Variants in PCDHGB3 observed in about 807,000 individuals in gnomAD.
PCDHGB3 encodes the protein protocadherin gamma-B3.
In PCDHGB3, 40 loss-of-function variants were observed where a neutral mutation model predicts 59.2. That is an observed-to-expected ratio of 0.68 (90% CI 0.52 to 0.88). The LOEUF (loss-of-function observed/expected upper bound fraction) is 0.88, where lower values mean the gene tolerates loss of function less well. PCDHGB3 is among the 40% of genes least tolerant of loss of function. The probability of loss-of-function intolerance (pLI) is 0.00; values close to 1 mark genes in which losing one functional copy is unlikely to be tolerated. For synonymous variants in PCDHGB3, 581 were observed against 503.6 expected, an observed-to-expected ratio of 1.15 and a Z score of -2.06; for missense variants, 1,309 against 1,187.9, an observed-to-expected ratio of 1.10 and a Z score of -1.50.
chr5:141,439,441 T>C (rs2098112892), intron 1 of PCDHGB3, among the ~76,000 whole-genome samples: 2 of 152,348 alleles, frequency 1.3e-5, no homozygotes, highest in South Asian at 4.1e-4. Context: ...GAATATTTTA[T>C]TGCGGGAGCA....
chr5:141,414,903 C>A, intron 1 of PCDHGB3: 2 of 1,614,218 alleles, frequency 1.2e-6, no homozygotes, highest in Non-Finnish European at 1.7e-6. Flanking sequence ...CAGACGGTTC[C>A]ACAGGCGTGG....
intron 1 of PCDHGB3, chr5:141,374,822 T>C: frequency 6.2e-7 from 1 of 1,613,984 alleles, no homozygotes; most frequent in Non-Finnish European, 8.5e-7. Context: ...TCAGCCTGTC[T>C]ACCGTGTAAG....
intron 1 of PCDHGB3, chr5:141,430,875 T>A (rs1323872183): frequency 6.3e-7 from 1 of 1,599,400 alleles, no homozygotes; most frequent in Non-Finnish European, 8.5e-7. Context: ...CCGGAAGAGC[T>A]GGAGAAAGGC....
In PCDHGB3 at chr5:141,432,021, C is replaced by G. The variant is rs746940912; in HGVS notation, c.2415+59212C>G. 1.9e-5 allele frequency: 30 copies of G among 1,614,076 alleles called. No individual in the cohort carries two copies. The highest frequency in any genetic ancestry group is 2.7e-5 in the African/African-American group (2 of 74,922). Reference sequence around the variant, plus strand: ...GAACAGGTTCCTAGCTACAACATCACAGTGACCGCCACTGACCGGGGAACC... The same window carrying G: ...GAACAGGTTCCTAGCTACAACATCAGAGTGACCGCCACTGACCGGGGAACC... On this transcript the variant is annotated intron_variant, in intron 1 of 3. Transcript: ENST00000576222. The surrounding 1 kb of genome is among the most constrained non-coding windows in gnomAD (Gnocchi z 6.0).
At chr5:141,441,775 A>G (rs1005757857) in intron 1 of PCDHGB3, 27 of 388,638 alleles carry the variant, frequency 6.9e-5, no homozygotes, top group Admixed American at 5.4e-4. Context: ...GTGTTGGTGG[A>G]CGACCTGAAT....
In PCDHGB3 at chr5:141,430,969, TAGGACGCA is replaced by T. The variant is rs775497521; in HGVS notation, c.2415+58161_2415+58168del. The T allele has an allele frequency of 7.3e-5, 118 of 1,613,012 alleles. 1 individual carries two copies. The Middle Eastern group carries it at 1.8e-3, about 25-fold the overall frequency. On this transcript the variant is annotated intron_variant, in intron 1 of 3. Transcript: ENST00000576222. ...GCGGAGTCCGCATCATCCCCAGAGG[TAGGACGCA>T]GCTTTTCGCCCTGAATCCGCGCAGC...
intron 1 of PCDHGB3, chr5:141,408,464 A>C (rs764186219): frequency 6.2e-7 from 1 of 1,613,934 alleles, no homozygotes; most frequent in South Asian, 1.1e-5. Context: ...ACTTGTGAAG[A>C]ACCGAATAGA....
intron 1 of PCDHGB3, chr5:141,400,635 TG>T: frequency 7.3e-7 from 1 of 1,373,110 alleles, no homozygotes; most frequent in Non-Finnish European, 1.0e-6. Flanking sequence ...AAGTCAGAGC[TG>T]CTCAGAAAGC....
At chr5:141,423,745 C>A (rs561499055) in intron 1 of PCDHGB3, 2 of 605,688 alleles carry the variant, frequency 3.3e-6, no homozygotes, top group Non-Finnish European at 4.0e-6. Context: ...GTTATGAAAA[C>A]TGTTTGGGGG....
intron 1 of PCDHGB3, chr5:141,408,828 G>C: frequency 6.2e-7 from 1 of 1,613,614 alleles, no homozygotes; most frequent in East Asian, 2.2e-5. Context: ...AGATCTCATA[G>C]CTTGATATTG....
chr5:141,387,756 A>G, intron 1 of PCDHGB3: 1 of 1,413,288 alleles, frequency 7.1e-7, no homozygotes, highest in Non-Finnish European at 9.4e-7. Context: ...CTCCTCGGAA[A>G]AAGAAGAATT....
chr5:141,421,597 AT>A (rs2096587022), intron 1 of PCDHGB3: 1 of 1,613,878 alleles, frequency 6.2e-7, no homozygotes, highest in Non-Finnish European at 8.5e-7. Flanking sequence ...GGAGGTGGAA[AT>A]AATAGATATT....
At chr5:141,382,874 GC>G in intron 1 of PCDHGB3, 1 of 1,523,072 alleles carries the variant, frequency 6.6e-7, no homozygotes, top group Non-Finnish European at 8.8e-7. Context: ...CGAGATCGGC[GC>G]CTAAGCAAGA....
At chr5:141,505,245 A>G (rs530515894) in intron 2 of PCDHGB3, 148 bp from the exon 3 acceptor site, 294 of 1,430,832 alleles carry the variant, frequency 2.1e-4, no homozygotes, top group Admixed American at 1.8e-3. Flanking sequence ...GAAGGATTGT[A>G]GAAGTGCCTC....
chr5:141,499,682 C>T, intron 2 of PCDHGB3, among the ~76,000 whole-genome samples: 1 of 148,196 alleles, frequency 6.7e-6, no homozygotes, highest in South Asian at 2.1e-4. Flanking sequence ...CCATCTTTAA[C>T]AGATGACTTT....
chr5:141,395,101 C>G, intron 1 of PCDHGB3: 3 of 1,614,164 alleles, frequency 1.9e-6, no homozygotes, highest in East Asian at 2.2e-5. Context: ...ACCGCCGACT[C>G]GCGGAAGAGT....
intron 1 of PCDHGB3, chr5:141,408,896 GT>G: frequency 6.2e-7 from 1 of 1,613,328 alleles, no homozygotes; most frequent in Non-Finnish European, 8.5e-7. Context: ...AGAAATTTCT[GT>G]CAAGGATACC....
chr5:141,431,228 G>C lies in PCDHGB3; in HGVS notation c.2415+58419G>C, dbSNP rs772199359. The stretch of plus-strand genomic sequence containing the variant: ...TGAGATGCGGTTCCCTCTACCCCAC[G>C]CCTGGGATCCGGATATCGGGAAGAA... On this transcript the variant is annotated intron_variant, in intron 1 of 3. Coordinates refer to ENST00000576222, the MANE Select transcript of PCDHGB3 (RefSeq NM_018924.5). The surrounding 1 kb of genome is among the most constrained non-coding windows in gnomAD (Gnocchi z 4.8). The C allele has an allele frequency of 1.9e-6, 3 of 1,614,000 alleles. No individual in the cohort carries two copies. The African/African-American group carries it at 4.0e-5, about 22-fold the overall frequency.
intron 1 of PCDHGB3, chr5:141,419,964 T>A (rs151105903): frequency 1.2e-6 from 2 of 1,613,964 alleles, no homozygotes; most frequent in African/African-American, 2.7e-5. Context: ...ATTTCTGTGC[T>A]CTTTCTCCTC....
Sources: allele counts gnomAD v4.1 joint callset (sites outside exome capture counted in the v4.1 genomes callset), GRCh38; gene constraint gnomAD v4.1.1; non-coding constraint Gnocchi (gnomAD v3.1); transcripts MANE v1.5; gene names NCBI Gene and HGNC (gene_info 2026-07-23, HGNC 2026-07-21).